Variants in ASIC2 observed in about 807,000 individuals in gnomAD.
ASIC2 encodes acid-sensing ion channel 2.
In ASIC2, 25 loss-of-function variants were observed where a neutral mutation model predicts 57.3. That is an observed-to-expected ratio of 0.44 (90% CI 0.32 to 0.61). The LOEUF (loss-of-function observed/expected upper bound fraction) is 0.61, where lower values mean the gene tolerates loss of function less well. Ranked by LOEUF, ASIC2 falls within the 20% of genes least tolerant of loss-of-function variation. The probability of loss-of-function intolerance (pLI) is 0.06; values close to 1 mark genes in which losing one functional copy is unlikely to be tolerated. For synonymous variants in ASIC2, 319 were observed against 307.5 expected (o/e 1.04, Z -0.39); for missense variants, 641 against 738.1 (o/e 0.87, Z 1.52).
At chr17:33,092,383 T>A (rs2141968703) in intron 2 of ASIC2, among the ~76,000 whole-genome samples, 1 of 152,348 alleles carries the variant, frequency 6.6e-6, no homozygotes, top group Admixed American at 6.5e-5. Context: ...AGACCCAACT[T>A]GAGAGCTGAA....
chr17:34,147,932 G>T (rs376582172), intron 1 of ASIC2, among the ~76,000 whole-genome samples: 1 of 152,134 alleles, frequency 6.6e-6, no homozygotes, highest in Admixed American at 6.5e-5. Flanking sequence ...CTACCAATTC[G>T]GTCTTTGGGA....
At chr17:33,126,176 C>T (rs1490811847) in intron 1 of ASIC2, among the ~76,000 whole-genome samples, 1 of 152,200 alleles carries the variant, frequency 6.6e-6, no homozygotes, top group Non-Finnish European at 1.5e-5. Context: ...CTTGCAGAGG[C>T]ATCACGGACT....
At chr17:34,007,314 C>G (rs926306770) in intron 1 of ASIC2, among the ~76,000 whole-genome samples, 10 of 152,216 alleles carry the variant, frequency 6.6e-5, no homozygotes, top group African/African-American at 2.4e-4. Context: ...CTGCCAAAGT[C>G]AGGTTTCAGC....
chr17:33,446,435 A>G (rs12602581), intron 1 of ASIC2, among the ~76,000 whole-genome samples: 111,849 of 151,956 alleles, frequency 0.74, 41,684 homozygotes, highest in Middle Eastern at 0.79. Context: ...TCCTCAGGCC[A>G]TTAGCTAAAT....
chr17:33,198,637 T>C (rs1906733785), intron 1 of ASIC2, among the ~76,000 whole-genome samples: 1 of 152,210 alleles, frequency 6.6e-6, no homozygotes, highest in Non-Finnish European at 1.5e-5. Context: ...TCAGCCTGTG[T>C]AGCACCCCCA....
chr17:33,088,433 A>T (rs538773096), intron 3 of ASIC2, among the ~76,000 whole-genome samples: 2 of 152,224 alleles, frequency 1.3e-5, no homozygotes, highest in Admixed American at 1.3e-4. Context: ...GGCTCGCTCC[A>T]CTTAAACTCT....
chr17:33,914,559 T>A (rs1915543592), intron 1 of ASIC2, among the ~76,000 whole-genome samples: 1 of 152,092 alleles, frequency 6.6e-6, no homozygotes, highest in Non-Finnish European at 1.5e-5. Flanking sequence ...GGTGGTGTCT[T>A]CTGATGGGGA....
intron 1 of ASIC2, among the ~76,000 whole-genome samples, chr17:33,775,905 G>A (rs182724102): frequency 2.1e-3 from 316 of 152,232 alleles, no homozygotes; most frequent in Middle Eastern, 6.8e-3. Context: ...GGCCGAGGAG[G>A]GTGGATCACC....
At chr17:33,856,458 C>CTTTG (rs1163106100) in intron 1 of ASIC2, among the ~76,000 whole-genome samples, 251 of 13,438 alleles carry the variant, frequency 0.019, 3 homozygotes, top group African/African-American at 0.042. Flanking sequence ...TAGTAATAGT[C>CTTTG]TTATCAGTAG....
chr17:33,401,976 T>C (rs1597715371), intron 1 of ASIC2, among the ~76,000 whole-genome samples: 1 of 152,222 alleles, frequency 6.6e-6, no homozygotes, highest in East Asian at 1.9e-4. Context: ...GAATTGATTC[T>C]CTTCTTTGAC....
intron 1 of ASIC2, among the ~76,000 whole-genome samples, chr17:33,421,962 C>T (rs1239749835): frequency 6.6e-6 from 1 of 152,200 alleles, no homozygotes; most frequent in African/African-American, 2.4e-5. Context: ...TTTGGGGGCG[C>T]CAGCCTTTGG....
intron 1 of ASIC2, among the ~76,000 whole-genome samples, chr17:33,549,898 G>A (rs1175387184): frequency 6.6e-6 from 1 of 152,142 alleles, no homozygotes; most frequent in African/African-American, 2.4e-5. Context: ...TGCCCTTTGT[G>A]AACTATTGCC....
intron 1 of ASIC2, among the ~76,000 whole-genome samples, chr17:33,181,883 G>A (rs1192614951): frequency 6.6e-6 from 1 of 152,222 alleles, no homozygotes; most frequent in Non-Finnish European, 1.5e-5. Flanking sequence ...AAGGAGGTCA[G>A]TGTGCTTGAA....
At chr17:34,126,925 C>T (rs1039439136) in intron 1 of ASIC2, among the ~76,000 whole-genome samples, 1 of 152,262 alleles carries the variant, frequency 6.6e-6, no homozygotes, top group African/African-American at 2.4e-5. Flanking sequence ...CTGGAAAATA[C>T]ACATCCCTGA....
chr17:33,969,011 T>C (rs1356003510), intron 1 of ASIC2, among the ~76,000 whole-genome samples: 1 of 152,120 alleles, frequency 6.6e-6, no homozygotes, highest in Non-Finnish European at 1.5e-5. Flanking sequence ...GTGGGGCGGA[T>C]GGCAGTGAGT....
intron 1 of ASIC2, among the ~76,000 whole-genome samples, chr17:34,048,916 C>T (rs1156774426): frequency 6.6e-6 from 1 of 152,146 alleles, no homozygotes; most frequent in Non-Finnish European, 1.5e-5. Flanking sequence ...TTTAATAATT[C>T]CAGAGAACAG....
At chr17:33,805,270 T>C (rs1001743615) in intron 1 of ASIC2, among the ~76,000 whole-genome samples, 8 of 152,206 alleles carry the variant, frequency 5.3e-5, no homozygotes, top group African/African-American at 1.9e-4. Context: ...CTGCAGATGG[T>C]AGGTGAGTTC....
intron 1 of ASIC2, among the ~76,000 whole-genome samples, chr17:33,263,569 G>C (rs1380163373): frequency 6.7e-6 from 1 of 148,692 alleles, no homozygotes; most frequent in Non-Finnish European, 1.5e-5. Flanking sequence ...CTTCTCTGGA[G>C]ATGGGGCCTC....
chr17:33,561,784 G>T (rs1239685468), intron 1 of ASIC2, among the ~76,000 whole-genome samples: 2 of 152,186 alleles, frequency 1.3e-5, no homozygotes, highest in Non-Finnish European at 2.9e-5. Context: ...GGGAATTGCT[G>T]GTTTCCTAGC....
Sources: allele counts gnomAD v4.1 joint callset (sites outside exome capture counted in the v4.1 genomes callset), GRCh38; gene constraint gnomAD v4.1.1; transcripts MANE v1.5; gene names NCBI Gene and HGNC (gene_info 2026-07-23, HGNC 2026-07-21).